DCC: variants seen among roughly 807,000 people sequenced by gnomAD.
DCC encodes DCC netrin 1 receptor, also known as netrin receptor DCC.
A neutral mutation model predicts 172.5 loss-of-function variants in DCC; 58 were observed. That is an observed-to-expected ratio of 0.34 (90% CI 0.27 to 0.42). DCC has a LOEUF of 0.42. DCC is among the 10% of genes least tolerant of loss of function. The pLI, the probability that DCC is intolerant of heterozygous loss-of-function variation, is 1.00. For synonymous variants in DCC, 709 were observed against 644.5 expected, an observed-to-expected ratio of 1.10 and a Z score of -1.52; for missense variants, 1,740 against 1,791.0, an observed-to-expected ratio of 0.97 and a Z score of 0.51.
intron 1 of DCC, among the ~76,000 whole-genome samples, chr18:52,439,601 G>A (rs1038056013): frequency 2.0e-5 from 3 of 152,146 alleles, no homozygotes; most frequent in Admixed American, 2.0e-4. Flanking sequence ...TTATGATAAC[G>A]AGGTTTGTTT....
chr18:53,126,373 A>G (rs2043557501), intron 7 of DCC, among the ~76,000 whole-genome samples: 1 of 152,152 alleles, frequency 6.6e-6, no homozygotes, highest in Admixed American at 6.6e-5. Context: ...GGAGTGAGAT[A>G]GTCCACAGAT....
intron 1 of DCC, among the ~76,000 whole-genome samples, chr18:52,559,154 C>T (rs951207112): frequency 6.6e-6 from 1 of 152,152 alleles, no homozygotes; most frequent in African/African-American, 2.4e-5. Flanking sequence ...CTCTGTCACC[C>T]AGGCTGGAGT....
chr18:52,789,466 A>T (rs2145201974), intron 2 of DCC, among the ~76,000 whole-genome samples: 1 of 152,326 alleles, frequency 6.6e-6, no homozygotes, highest in East Asian at 1.9e-4. Context: ...TTTTAAAAAA[A>T]ATCTAGAACT....
At chr18:52,794,751 C>T (rs183604329) in intron 2 of DCC, among the ~76,000 whole-genome samples, 5 of 151,828 alleles carry the variant, frequency 3.3e-5, no homozygotes, top group Non-Finnish European at 5.9e-5. Context: ...CCATTAAGTA[C>T]GATGTTAGCT....
intron 1 of DCC, among the ~76,000 whole-genome samples, chr18:52,672,558 C>T (rs2035573231): frequency 6.6e-6 from 1 of 151,772 alleles, no homozygotes; most frequent in Non-Finnish European, 1.5e-5. Flanking sequence ...CTAACCCTCT[C>T]TTCCTTCCAA....
chr18:52,991,718 A>T (rs2041394855), intron 5 of DCC, among the ~76,000 whole-genome samples: 1 of 152,138 alleles, frequency 6.6e-6, no homozygotes, highest in South Asian at 2.1e-4. Flanking sequence ...TAGTTATTTT[A>T]TCTTTATGGT....
At chr18:53,458,638 T>C (rs1457013250) in intron 23 of DCC, among the ~76,000 whole-genome samples, 1 of 152,212 alleles carries the variant, frequency 6.6e-6, no homozygotes, top group Non-Finnish European at 1.5e-5. Context: ...TTTCAAAGGA[T>C]CTGTCTCACT....
chr18:53,286,451 T>C (rs1391488407), intron 12 of DCC, among the ~76,000 whole-genome samples: 1 of 152,186 alleles, frequency 6.6e-6, no homozygotes, highest in Admixed American at 6.5e-5. Context: ...TCCACCATGA[T>C]TGTGAGGCCT....
At chr18:53,527,752 T>C (rs932445482) in intron 28 of DCC, among the ~76,000 whole-genome samples, 1 of 151,924 alleles carries the variant, frequency 6.6e-6, no homozygotes, top group South Asian at 2.1e-4. Context: ...CAAAAAGACA[T>C]TGCCTAAAGG....
At chr18:52,956,663 A>G (rs1269266455) in intron 5 of DCC, among the ~76,000 whole-genome samples, 1 of 152,104 alleles carries the variant, frequency 6.6e-6, no homozygotes, top group Non-Finnish European at 1.5e-5. Flanking sequence ...TCAGATTCAC[A>G]TGGACTCTAT....
chr18:52,812,627 G>C (rs574189876), intron 2 of DCC, among the ~76,000 whole-genome samples: 2 of 152,318 alleles, frequency 1.3e-5, no homozygotes, highest in Non-Finnish European at 2.9e-5. Context: ...ACTCAGAATA[G>C]ATACTATTTA....
At chr18:52,896,514 G>T (rs2039732555) in intron 2 of DCC, among the ~76,000 whole-genome samples, 1 of 152,052 alleles carries the variant, frequency 6.6e-6, no homozygotes, top group African/African-American at 2.4e-5. Context: ...ATACATAAAT[G>T]GCATTGATGT....
At chr18:52,742,831 G>A (rs2036844083) in intron 1 of DCC, among the ~76,000 whole-genome samples, 1 of 152,114 alleles carries the variant, frequency 6.6e-6, no homozygotes, top group African/African-American at 2.4e-5. Context: ...AATGGGCGTA[G>A]AAGGATCCTG....
intron 12 of DCC, among the ~76,000 whole-genome samples, chr18:53,254,936 A>G (rs746791920): frequency 2.6e-5 from 4 of 152,116 alleles, no homozygotes; most frequent in Non-Finnish European, 4.4e-5. Context: ...CATATAGGAC[A>G]GGCATTTCCC....
chr18:52,865,536 C>T (rs2039211891), intron 2 of DCC, among the ~76,000 whole-genome samples: 1 of 151,994 alleles, frequency 6.6e-6, no homozygotes, highest in Non-Finnish European at 1.5e-5. Flanking sequence ...GCCATTCTAA[C>T]TGGCATGAGA....
At chr18:52,609,820 T>C (rs1241113084) in intron 1 of DCC, among the ~76,000 whole-genome samples, 2 of 151,862 alleles carry the variant, frequency 1.3e-5, no homozygotes, top group Non-Finnish European at 2.9e-5. Context: ...TCAAATATCT[T>C]GAACTGAACT....
At chr18:52,963,679 A>G (rs1212584372) in intron 5 of DCC, among the ~76,000 whole-genome samples, 1 of 152,080 alleles carries the variant, frequency 6.6e-6, no homozygotes, top group Non-Finnish European at 1.5e-5. Flanking sequence ...TGAATTCTTA[A>G]CCGTTTGGCC....
In DCC at chr18:52,846,608, AACACACAC is replaced by A. The variant is rs71175524; in HGVS notation, c.413-59399_413-59392del. Among the ~76,000 whole-genome samples the A allele has an allele frequency of 9.0e-3, 1,175 of 130,582 alleles. 12 individuals are homozygous for A. The highest frequency in any genetic ancestry group is 0.026 in the African/African-American group (894 of 33,884). The allele number at this position is 130,582 out of a possible 152,430, so 85.7% of individuals were successfully genotyped here. On this transcript the variant is annotated intron_variant, in intron 2 of 28. Coordinates refer to ENST00000442544, the MANE Select transcript of DCC (RefSeq NM_005215.4). ...TCTATCTCCCCCTTCTGCCACTCCAAACACACACACACACACACACACACACACACACA... is the reference window on the plus strand; with the variant it reads ...TCTATCTCCCCCTTCTGCCACTCCAAACACACACACACACACACACACACA...
chr18:53,218,064 G>A (rs189754342), intron 12 of DCC, among the ~76,000 whole-genome samples: 1 of 152,000 alleles, frequency 6.6e-6, no homozygotes, highest in Non-Finnish European at 1.5e-5. Flanking sequence ...CCCTAGGCTG[G>A]TATCAAAGTC....
Sources: gnomAD v4.1 joint callset for allele counts (sites outside exome capture counted in the v4.1 genomes callset) on GRCh38, gnomAD v4.1.1 for gene constraint, MANE v1.5 for transcripts, NCBI Gene and HGNC (gene_info 2026-07-23, HGNC 2026-07-21) for gene names.